Variants in KAT6B observed in about 807,000 individuals in gnomAD.
The protein encoded by KAT6B is histone acetyltransferase KAT6B.
In KAT6B, 10 loss-of-function variants were observed where a neutral mutation model predicts 187.5. The ratio of observed to expected loss-of-function variants is 0.05; its 90% CI spans 0.03 to 0.09. The LOEUF is 0.09. Ranked by LOEUF, KAT6B falls within the 10% of genes least tolerant of loss-of-function variation. The pLI, the probability that KAT6B is intolerant of heterozygous loss-of-function variation, is 1.00. For synonymous variants in KAT6B, 861 were observed against 926.8 expected, an observed-to-expected ratio of 0.93 and a Z score of 1.29; for missense variants, 1,952 against 2,558.9, an observed-to-expected ratio of 0.76 and a Z score of 5.12.
intron 3 of KAT6B, among the ~76,000 whole-genome samples, chr10:74,865,704 G>A (rs1279990195): frequency 6.6e-6 from 1 of 151,898 alleles, no homozygotes; most frequent in African/African-American, 2.4e-5. Context: ...TTAGTAGAGA[G>A]GGAGTTTCAC....
chr10:74,914,035 A>C lies in KAT6B; in HGVS notation c.622-45935A>C, dbSNP rs555270954. 2.0e-3 allele frequency among the ~76,000 whole-genome samples: 301 copies of C among 152,040 alleles called. 1 individual carries two copies. Among genetic ancestry groups the C allele is most frequent in the Non-Finnish European group, 3.2e-3 (215 of 67,960 alleles). On this transcript the variant is annotated intron_variant, in intron 3 of 17. Coordinates refer to ENST00000287239, the MANE Select transcript of KAT6B (RefSeq NM_012330.4). ...ACCCTGTCTCTACTAAAATACAAAA[A>C]ATTAGCCGGGCGTGGTGGCGGGCAC...
chr10:74,912,375 G>GGATAGATAGATAGATAGATAGATAGATA (rs35051764), intron 3 of KAT6B, among the ~76,000 whole-genome samples: 5 of 145,526 alleles, frequency 3.4e-5, no homozygotes, highest in South Asian at 2.3e-4. Flanking sequence ...ATGGATGGAT[G>GGATAGATAGATAGATAGATAGATAGATA]GATAGATAGA....
intron 3 of KAT6B, among the ~76,000 whole-genome samples, chr10:74,908,917 T>A (rs1017484442): frequency 6.6e-6 from 1 of 152,200 alleles, no homozygotes; most frequent in Non-Finnish European, 1.5e-5. Flanking sequence ...CTGAATCAAC[T>A]GTGAATTGTT....
At chr10:75,001,244 A>T (rs1564614944) in intron 13 of KAT6B, among the ~76,000 whole-genome samples, 1 of 152,076 alleles carries the variant, frequency 6.6e-6, no homozygotes, top group Non-Finnish European at 1.5e-5. Flanking sequence ...TTTCTTCTTT[A>T]GGTGCCACAA....
At chr10:74,911,968 C>T (rs1847234709) in intron 3 of KAT6B, among the ~76,000 whole-genome samples, 1 of 151,940 alleles carries the variant, frequency 6.6e-6, no homozygotes, top group African/African-American at 2.4e-5. Flanking sequence ...ACCATGCCCA[C>T]CTAATTTTTA....
Position 75,030,704 on chromosome 10 carries a change from G to A in KAT6B, c.5880G>A (p.Thr1960=), listed in dbSNP as rs200498444. ...TGCAGGGTCCTGCACGGACTTTAAC[G>A]ATGCAAAGAGGCATGAACATGAGTG... is the stretch of plus-strand genomic sequence containing the variant. The part of the protein sequence containing the change: ...VAMQGPARTL[T]MQRGMNMSVN... Residue 1960 remains threonine (T), a synonymous_variant, in exon 18 of 18, where the codon ACG becomes ACA. Transcript: ENST00000287239. The surrounding 1 kb of genome is among the most constrained non-coding windows in gnomAD (Gnocchi z 4.8). 17 of 1,614,092 alleles carry A rather than the reference G, an allele frequency of 1.1e-5. No homozygotes were observed. The highest frequency in any genetic ancestry group is 6.6e-5 in the South Asian group (6 of 91,082).
chr10:74,960,196 G>A, intron 4 of KAT6B, 118 bp downstream of exon 4: 2 of 766,610 alleles, frequency 2.6e-6, no homozygotes, highest in African/African-American at 1.7e-5. Context: ...TAATAGCATA[G>A]GCTTTAAATT....
intron 13 of KAT6B, among the ~76,000 whole-genome samples, chr10:75,013,840 A>C (rs143640097): frequency 6.6e-6 from 1 of 152,188 alleles, no homozygotes; most frequent in Admixed American, 6.5e-5. Flanking sequence ...CAGCTGGTAC[A>C]TGGTGGACCC....
intron 3 of KAT6B, among the ~76,000 whole-genome samples, chr10:74,914,453 C>G (rs2132965382): frequency 6.6e-6 from 1 of 152,106 alleles, no homozygotes; most frequent in East Asian, 1.9e-4. Flanking sequence ...ATGCTTATAA[C>G]TAATGTGGAT....
chr10:74,886,228 G>C (rs997156027), intron 3 of KAT6B, among the ~76,000 whole-genome samples: 2 of 152,212 alleles, frequency 1.3e-5, no homozygotes, highest in African/African-American at 4.8e-5. Context: ...TCTGAGAGAA[G>C]GTTGAGGTGG....
chr10:74,896,586 G>A (rs185508140), intron 3 of KAT6B, among the ~76,000 whole-genome samples: 8 of 152,292 alleles, frequency 5.3e-5, no homozygotes, highest in African/African-American at 1.7e-4. Context: ...CACAACACCC[G>A]GCCTATTTGT....
At chr10:74,842,566 A>G (rs565547143) in intron 2 of KAT6B, 34 bp from the exon 3 acceptor site, 3 of 582,542 alleles carry the variant, frequency 5.1e-6, no homozygotes, top group Non-Finnish European at 9.1e-6. Flanking sequence ...AAGCTTCATT[A>G]TTAAGAGACT....
At chr10:75,004,326 A>G (rs1039990070) in intron 13 of KAT6B, among the ~76,000 whole-genome samples, 2 of 152,230 alleles carry the variant, frequency 1.3e-5, no homozygotes, top group Non-Finnish European at 1.5e-5. Flanking sequence ...GGGGAAATCA[A>G]TGAATGCCTG....
chr10:74,860,977 A>G (rs1843137939), intron 3 of KAT6B, among the ~76,000 whole-genome samples: 1 of 152,168 alleles, frequency 6.6e-6, no homozygotes, highest in African/African-American at 2.4e-5. Context: ...GTCTCTACTA[A>G]AAATGCAAAA....
chr10:75,030,615 T>C lies in KAT6B; in HGVS notation c.5791T>C (p.Ser1931Pro), dbSNP rs531646848. Residue 1931 changes from serine (S) to proline (P), a missense_variant, in exon 18 of 18, where the codon TCT (serine) becomes CCT (proline). By Grantham distance (74) the Ser-to-Pro change is moderately conservative. Transcript: ENST00000287239. The surrounding 1 kb of genome is among the most constrained non-coding windows in gnomAD (Gnocchi z 4.8). ...CATCTCCATGAGAACCAAGTCAGCGTCTCTGTCACCAGCCGCTGCCACCCA... is the reference window on the plus strand; with the variant it reads ...CATCTCCATGAGAACCAAGTCAGCGCCTCTGTCACCAGCCGCTGCCACCCA... ...GHISMRTKSA[S>P]LSPAAATHQS... 1.2e-6 allele frequency: 2 copies of C among 1,612,942 alleles called. No homozygotes were observed. The highest frequency in any genetic ancestry group is 1.7e-6 in the Non-Finnish European group (2 of 1,178,932).
At chr10:74,971,616 A>G (rs988244437) in intron 6 of KAT6B, among the ~76,000 whole-genome samples, 1 of 151,578 alleles carries the variant, frequency 6.6e-6, no homozygotes, top group Admixed American at 6.6e-5. Context: ...TCCATTAATC[A>G]TTTTTCTCTT....
At chr10:74,840,551 T>TG (rs1339842041) in intron 2 of KAT6B, among the ~76,000 whole-genome samples, 1 of 152,118 alleles carries the variant, frequency 6.6e-6, no homozygotes, top group East Asian at 1.9e-4. Flanking sequence ...TGTGCAACAG[T>TG]GGGGTGAGCT....
intron 13 of KAT6B, among the ~76,000 whole-genome samples, chr10:74,998,335 CA>C: frequency 6.6e-6 from 1 of 152,116 alleles, no homozygotes; most frequent in East Asian, 1.9e-4. Flanking sequence ...GTTAATATAG[CA>C]ACATTATTTT....
At chr10:74,984,934 T>C in intron 11 of KAT6B, 146 bp from the exon 12 acceptor site, 2 of 742,092 alleles carry the variant, frequency 2.7e-6, no homozygotes, top group Non-Finnish European at 4.6e-6. Flanking sequence ...TGGTTAAAGC[T>C]GTACTTGCTT....
Sources: gnomAD v4.1 joint callset for allele counts (sites outside exome capture counted in the v4.1 genomes callset) on GRCh38, gnomAD v4.1.1 for gene constraint, Gnocchi (gnomAD v3.1) non-coding constraint, MANE v1.5 for transcripts, NCBI Gene and HGNC (gene_info 2026-07-23, HGNC 2026-07-21) for gene names.